Variants in TTN observed in about 807,000 individuals in gnomAD.
TTN encodes titin.
Under a neutral mutation model 3,223.0 loss-of-function variants are expected in TTN, and 1,525 were observed. That is an observed-to-expected ratio of 0.47 (90% CI 0.45 to 0.49). The LOEUF is 0.49. Among genes scored for constraint, TTN ranks in the 20% least tolerant of loss-of-function variants. TTN has a pLI of 0.00. For missense variants in TTN, 40,786 were observed against 43,424.0 expected, an observed-to-expected ratio of 0.94 and a Z score of 5.40; for synonymous variants, 14,094 against 15,161.0, an observed-to-expected ratio of 0.93 and a Z score of 5.17.
intron 38 of TTN, 146 bp from the exon 39 acceptor site, chr2:178,768,301 AACAT>A: frequency 8.7e-7 from 1 of 1,145,800 alleles, no homozygotes; most frequent in Non-Finnish European, 1.2e-6. Context: ...ATAATTTTAG[AACAT>A]TCTCATTCCC....
Position 178,545,394 on chromosome 2 carries a change from G to C in TTN, c.95716C>G (p.Pro31906Ala), listed in dbSNP as rs755949122. The change falls in exon 344 of 363, where the codon CCA becomes GCA. Residue 31906 changes from proline (P) to alanine (A), a missense_variant. Pro to Ala is a conservative substitution (Grantham distance 27). Coordinates refer to ENST00000589042, the MANE Select transcript of TTN (RefSeq NM_001267550.2). Reference sequence around the variant, plus strand: ...TATGATTCTTGGAGCTCACATGATGGTTCTCTGCATGAGATGAAGTTGGAA... The same window carrying C: ...TATGATTCTTGGAGCTCACATGATGCTTCTCTGCATGAGATGAAGTTGGAA... Reference protein sequence around the residue: ...EASNFISCREPSYTPGPPSAP... With the variant: ...EASNFISCREASYTPGPPSAP... 115 of 1,566,010 alleles carry C rather than the reference G, an allele frequency of 7.3e-5. No homozygotes were observed. Among genetic ancestry groups the C allele is most frequent in the Non-Finnish European group, 9.6e-5 (111 of 1,153,236 alleles).
At chr2:178,529,667 T>C (rs943179258) in intron 359 of TTN, among the ~76,000 whole-genome samples, 2 of 152,252 alleles carry the variant, frequency 1.3e-5, no homozygotes, top group Non-Finnish European at 2.9e-5. Flanking sequence ...TGCCATTTTG[T>C]ATATTCACTG....
chr2:178,774,664 T>C, intron 29 of TTN, 191 bp from the exon 30 acceptor site: 1 of 698,804 alleles, frequency 1.4e-6, no homozygotes, highest in Non-Finnish European at 2.3e-6. Context: ...TTTTTAAATA[T>C]TTTTGAAAGT....
At chr2:178,772,053 A>G (rs2091584188) in intron 33 of TTN, among the ~76,000 whole-genome samples, 1 of 152,182 alleles carries the variant, frequency 6.6e-6, no homozygotes. Flanking sequence ...GAATTTCTCA[A>G]GAAAAAAATC....
Position 178,611,552 on chromosome 2 carries a change from G to C in TTN, c.50677C>G (p.Pro16893Ala). 1 of 1,612,988 alleles carries C rather than the reference G, an allele frequency of 6.2e-7. No homozygotes were observed. Among genetic ancestry groups the C allele is most frequent in the South Asian group, 1.1e-5 (1 of 91,052 alleles). Residue 16893 changes from proline to alanine, a missense_variant, in exon 269 of 363, where the codon CCA becomes GCA. Pro to Ala is a conservative substitution (Grantham distance 27). Coordinates refer to ENST00000589042, the MANE Select transcript of TTN (RefSeq NM_001267550.2). ...CTCATCCATTTCTCAGTGCCTACTG[G>C]ACACATTTCAACATGGTATCCTATG... ...PIIGYHVEMC[P>A]VGTEKWMRVN... is the part of the protein sequence containing the mutation.
Position 178,601,173 on chromosome 2 carries a change from T to C in TTN, c.55733-2A>G. ...GTTTAATAGGAGGATCAGGAGGATC[T>C]GTAAAAATAATTAAAGGAAGTATTA... On this transcript the variant is annotated splice_acceptor_variant, in intron 287 of 362. Transcript: ENST00000589042. LOFTEE classifies it high-confidence loss of function. 6.6e-7 allele frequency: 1 copy of C among 1,524,238 alleles called. No homozygotes were observed. Among genetic ancestry groups the C allele is most frequent in the Non-Finnish European group, 8.8e-7 (1 of 1,140,092 alleles). The allele number at this position is 1,524,238 out of a possible 1,614,324, so 94.4% of individuals were successfully genotyped here. A position where few individuals can be genotyped will look rare whatever the true frequency, so the allele number is the denominator to read the frequency against.
rs749757136 is a variant in TTN at position 178,538,767 on chromosome 2, T to C, written c.99062A>G (p.Lys33021Arg). The change falls in exon 354 of 363, where the codon AAA becomes AGA. Residue 33021 changes from lysine (K) to arginine (R), a missense_variant. By Grantham distance (26) the Lys-to-Arg change is conservative. Transcript: ENST00000589042. ...SKDSVTLQWE[K>R]PECDGGKEIL... ...TTCTTTACCACCATCACATTCAGGT[T>C]TCTCCCACTGTAGAGTGACACTATC... is the stretch of plus-strand genomic sequence containing the variant. 2.5e-5 allele frequency: 41 copies of C among 1,613,634 alleles called. No homozygotes were observed. The highest frequency in any genetic ancestry group is 3.5e-5 in the Non-Finnish European group (41 of 1,179,736).
intron 210 of TTN, 54 bp from the exon 211 acceptor site, chr2:178,649,948 T>C: frequency 6.4e-7 from 1 of 1,552,692 alleles, no homozygotes; most frequent in South Asian, 1.2e-5. Context: ...AAAAATTTAA[T>C]GCTAATGAAT....
Position 178,557,635 on chromosome 2 carries a change from T to C in TTN, c.87706+13A>G, listed in dbSNP as rs1702043770. 1.9e-6 allele frequency: 3 copies of C among 1,613,050 alleles called. No homozygotes were observed. The highest frequency in any genetic ancestry group is 1.3e-5 in the African/African-American group (1 of 74,922). On this transcript the variant is annotated intron_variant, in intron 328 of 362. Transcript: ENST00000589042. ...AAAGAAAACCTGGATCTTTGAAAAG[T>C]TGGACAACTTACTGTATGGTAGTTT...
At chr2:178,668,807 T>G (rs2066430128) in intron 159 of TTN, among the ~76,000 whole-genome samples, 3 of 151,970 alleles carry the variant, frequency 2.0e-5, no homozygotes, top group African/African-American at 7.2e-5. Context: ...CAGTATTCTA[T>G]TCACAATATT....
chr2:178,541,468 C>T lies in TTN; in HGVS notation c.97609G>A (p.Glu32537Lys), dbSNP rs1192763784. The stretch of plus-strand genomic sequence containing the variant: ...CGATCTGCTCTCACTTCTTTGCGCT[C>T]CACAATATATCCAGTCACTTGGGAG... ...GGSQVTGYIV[E>K]RKEVRADRWV... Residue 32537 changes from glutamate to lysine, a missense_variant, in exon 350 of 363, where the codon GAG becomes AAG. Coordinates refer to ENST00000589042, the MANE Select transcript of TTN (RefSeq NM_001267550.2). The T allele has an allele frequency of 6.2e-7, 1 of 1,613,340 alleles. No individual in the cohort carries two copies. The highest frequency in any genetic ancestry group is 8.5e-7 in the Non-Finnish European group (1 of 1,179,604).
In TTN at chr2:178,746,629, A is replaced by G. The variant is rs774662186; in HGVS notation, c.11312-4708T>C. 3 of 1,613,314 alleles carry G rather than the reference A, an allele frequency of 1.9e-6. No homozygotes were observed. The Admixed American group carries it at 5.0e-5, about 27-fold the overall frequency. ...TCTTTGCTTCCCCTATGATGTTTAC[A>G]GCATGACACATGTACTCTCCCCCTT... is the stretch of plus-strand genomic sequence containing the variant. On this transcript the variant is annotated intron_variant, in intron 47 of 362. Coordinates refer to ENST00000589042, the MANE Select transcript of TTN (RefSeq NM_001267550.2).
Position 178,770,420 on chromosome 2 carries a change from T to G in TTN, c.8372A>C (p.His2791Pro). The G allele has an allele frequency of 6.2e-7, 1 of 1,614,196 alleles. No individual in the cohort carries two copies. Among genetic ancestry groups the G allele is most frequent in the South Asian group, 1.1e-5 (1 of 91,078 alleles). Reference sequence around the variant, plus strand: ...TTTCTAAATCAACTTACTCTCCACGTGCAGTCTGGCACTGGCTCCAAGCCT... The same window carrying G: ...TTTCTAAATCAACTTACTCTCCACGGGCAGTCTGGCACTGGCTCCAAGCCT... Reference protein sequence around the residue: ...LGRLGASARLHVETVKIIKKP... With the variant: ...LGRLGASARLPVETVKIIKKP... The change falls in exon 35 of 363, where the codon CAC becomes CCC. Residue 2791 changes from histidine (H) to proline (P), a missense_variant. Physicochemically the swap from His to Pro is moderately conservative, Grantham distance 77. Transcript: ENST00000589042.
chr2:178,631,419 G>T, intron 236 of TTN, 119 bp from the exon 237 acceptor site: 1 of 1,120,240 alleles, frequency 8.9e-7, no homozygotes, highest in Non-Finnish European at 1.2e-6. Flanking sequence ...TGTGTCAAGT[G>T]TTCAATCATT....
At chr2:178,556,590 CA>C in intron 330 of TTN, 1 of 487,146 alleles carries the variant, frequency 2.1e-6, no homozygotes, top group Non-Finnish European at 3.6e-6. Context: ...CCAACTCATA[CA>C]ATCAATCATA....
Position 178,773,534 on chromosome 2 carries a change from G to A in TTN, c.7522C>T (p.His2508Tyr). The A allele has an allele frequency of 2.5e-6, 4 of 1,614,042 alleles. No homozygotes were observed. Among genetic ancestry groups the A allele is most frequent in the Non-Finnish European group, 3.4e-6 (4 of 1,179,966 alleles). The change falls in exon 32 of 363, where the codon CAT (histidine) becomes TAT (tyrosine). Residue 2508 changes from histidine (H) to tyrosine (Y), a missense_variant. Transcript: ENST00000589042. ...TKQRLVINRT[H>Y]ASDEGPYKLI... Reference sequence around the variant, plus strand: ...TTGTAAGGTCCTTCGTCTGAAGCATGAGTTCGGTTAATGACTAGTCGCTGT... The same window carrying A: ...TTGTAAGGTCCTTCGTCTGAAGCATAAGTTCGGTTAATGACTAGTCGCTGT...
At position 178,778,856 on chromosome 2, in the gene TTN, A is replaced by C; in HGVS notation, c.4208+18T>G. On this transcript the variant is annotated intron_variant, in intron 24 of 362. Coordinates refer to ENST00000589042, the MANE Select transcript of TTN (RefSeq NM_001267550.2). ...AACAATTTACATACTAAATAACCCA[A>C]ATTATTACAAGTCTTACCTGATTCT... is the stretch of plus-strand genomic sequence containing the variant. The C allele has an allele frequency of 6.2e-7, 1 of 1,613,688 alleles. No homozygotes were observed. Among genetic ancestry groups the C allele is most frequent in the Non-Finnish European group, 8.5e-7 (1 of 1,179,792 alleles).
intron 219 of TTN, 79 bp downstream of exon 219, chr2:178,642,158 G>T (rs1006781711): frequency 1.6e-6 from 2 of 1,254,236 alleles, no homozygotes; most frequent in South Asian, 1.8e-5. Context: ...AAAACCAAAG[G>T]ACAGAAACAT....
At chr2:178,791,277 G>C (rs1234514099) in intron 10 of TTN, among the ~76,000 whole-genome samples, 1 of 152,212 alleles carries the variant, frequency 6.6e-6, no homozygotes, top group Non-Finnish European at 1.5e-5. Flanking sequence ...AATTCAGTCA[G>C]CAGCCTCTGG....
Sources: allele counts gnomAD v4.1 joint callset (sites outside exome capture counted in the v4.1 genomes callset), GRCh38; gene constraint gnomAD v4.1.1; transcripts MANE v1.5; gene names NCBI Gene and HGNC (gene_info 2026-07-23, HGNC 2026-07-21).